The following ST8SIA6 variants were observed in gnomAD, a reference collection of about 807,000 sequenced individuals.
The protein encoded by ST8SIA6 is ST8 alpha-N-acetyl-neuraminide alpha-2,8-sialyltransferase 6, also known as alpha-2,8-sialyltransferase 8F.
ST8SIA6 carries 39 observed loss-of-function variants against 33.6 expected under a neutral mutation model. The ratio of observed to expected loss-of-function variants is 1.16; its 90% CI spans 0.90 to 1.52. The LOEUF is 1.52. Among genes scored for constraint, ST8SIA6 ranks in the 40% most tolerant of loss-of-function variants. The pLI is 0.00. For synonymous variants in ST8SIA6, 172 were observed against 167.2 expected (o/e 1.03, Z -0.22); for missense variants, 441 against 443.8 (o/e 0.99, Z 0.06).
intron 4 of ST8SIA6, among the ~76,000 whole-genome samples, chr10:17,341,990 T>C (rs1024514652): frequency 1.3e-5 from 2 of 150,914 alleles, no homozygotes; most frequent in Admixed American, 1.3e-4. Context: ...CACCAGAACT[T>C]ACCAGAACCA....
chr10:17,451,948 G>T (rs1315135822), intron 2 of ST8SIA6, among the ~76,000 whole-genome samples: 1 of 152,166 alleles, frequency 6.6e-6, no homozygotes, highest in Non-Finnish European at 1.5e-5. Flanking sequence ...AAGTAGAAAA[G>T]AAGTATGTCA....
At chr10:17,449,616 T>C (rs1336864418) in intron 2 of ST8SIA6, among the ~76,000 whole-genome samples, 5 of 152,234 alleles carry the variant, frequency 3.3e-5, no homozygotes, top group African/African-American at 7.2e-5. Context: ...TCTCCCACTT[T>C]AGCACATTAA....
chr10:17,405,900 A>G (rs972126958), intron 2 of ST8SIA6, among the ~76,000 whole-genome samples: 20 of 151,914 alleles, frequency 1.3e-4, no homozygotes, highest in Middle Eastern at 3.4e-3. Context: ...AAAAAAAAAA[A>G]AAGAAGAAAG....
chr10:17,427,507 C>T (rs747369940), intron 2 of ST8SIA6, among the ~76,000 whole-genome samples: 8 of 152,190 alleles, frequency 5.3e-5, no homozygotes, highest in Non-Finnish European at 8.8e-5. Flanking sequence ...CTTCAAAGTG[C>T]GCTGCACCAT....
intron 2 of ST8SIA6, among the ~76,000 whole-genome samples, chr10:17,399,615 G>A (rs1259706454): frequency 6.6e-6 from 1 of 152,082 alleles, no homozygotes; most frequent in East Asian, 1.9e-4. Context: ...TTGCAAGATA[G>A]TTTTCAACAA....
intron 2 of ST8SIA6, among the ~76,000 whole-genome samples, chr10:17,399,984 T>G (rs1850977689): frequency 6.6e-6 from 1 of 151,928 alleles, no homozygotes; most frequent in South Asian, 2.1e-4. Flanking sequence ...TGTGAAAGCT[T>G]TTATTTTACT....
chr10:17,401,813 A>G (rs1851052540), intron 2 of ST8SIA6, among the ~76,000 whole-genome samples: 1 of 152,218 alleles, frequency 6.6e-6, no homozygotes, highest in South Asian at 2.1e-4. Context: ...TGTTAGACCT[A>G]AAACCATAAA....
intron 4 of ST8SIA6, among the ~76,000 whole-genome samples, chr10:17,347,853 G>A (rs1271876149): frequency 6.8e-6 from 1 of 147,742 alleles, no homozygotes; most frequent in Non-Finnish European, 1.5e-5. Flanking sequence ...GAGAATCGGA[G>A]GCTGAGGCAG....
At chr10:17,364,077 C>CTGAGTATA (rs2308294) in intron 3 of ST8SIA6, among the ~76,000 whole-genome samples, 109,151 of 151,788 alleles carry the variant, frequency 0.72, 41,085 homozygotes, top group East Asian at 0.99. Context: ...GCAAATGCTC[C>CTGAGTATA]TGATACTTTT....
chr10:17,446,978 G>A (rs112006570), intron 2 of ST8SIA6, among the ~76,000 whole-genome samples: 1 of 149,260 alleles, frequency 6.7e-6, no homozygotes, highest in African/African-American at 2.5e-5. Flanking sequence ...AACCCTGGGG[G>A]CAGAGGTTGC....
At position 17,327,144 on chromosome 10, in the gene ST8SIA6, A is replaced by C; in HGVS notation, c.523-18T>G. 6.4e-7 allele frequency: 1 copy of C among 1,568,062 alleles called. No homozygotes were observed. ...GGCTGGGACTAGCAGGAGAAAGTGG[A>C]AAACTACCATGAAATACCGTTAATT... is the stretch of plus-strand genomic sequence containing the variant. On this transcript the variant is annotated intron_variant, in intron 5 of 7. Transcript: ENST00000377602.
At chr10:17,444,315 G>A (rs1012636917) in intron 2 of ST8SIA6, among the ~76,000 whole-genome samples, 7 of 152,156 alleles carry the variant, frequency 4.6e-5, no homozygotes, top group Admixed American at 2.0e-4. Flanking sequence ...ATTGTCTGTC[G>A]AACGTTGCCT....
intron 2 of ST8SIA6, among the ~76,000 whole-genome samples, chr10:17,405,884 C>CAAAA (rs10546412): frequency 2.3e-5 from 2 of 85,360 alleles, no homozygotes; most frequent in Non-Finnish European, 5.3e-5. Context: ...GACTCCATTT[C>CAAAA]AAAAAAAAAA....
chr10:17,360,087 GAA>G (rs1273328543), intron 3 of ST8SIA6, among the ~76,000 whole-genome samples: 1 of 152,116 alleles, frequency 6.6e-6, no homozygotes. Flanking sequence ...TGTTGAGAGA[GAA>G]GTTTATTGAC....
At chr10:17,349,231 AT>A (rs1449407167) in intron 4 of ST8SIA6, among the ~76,000 whole-genome samples, 1 of 152,226 alleles carries the variant, frequency 6.6e-6, no homozygotes, top group Non-Finnish European at 1.5e-5. Context: ...ACGTGGTATA[AT>A]CCATATGAAA....
At chr10:17,357,503 G>T (rs1479333702) in intron 4 of ST8SIA6, among the ~76,000 whole-genome samples, 1 of 152,078 alleles carries the variant, frequency 6.6e-6, no homozygotes, top group Non-Finnish European at 1.5e-5. Flanking sequence ...TTGAAAACTG[G>T]TTTTTCCAGG....
chr10:17,423,797 C>T (rs1174727594), intron 2 of ST8SIA6, among the ~76,000 whole-genome samples: 2 of 152,234 alleles, frequency 1.3e-5, no homozygotes, highest in Non-Finnish European at 2.9e-5. Flanking sequence ...AATAATCTCA[C>T]AGGAATCTTA....
At chr10:17,341,854 CCG>C (rs1848683413) in intron 4 of ST8SIA6, among the ~76,000 whole-genome samples, 1 of 141,290 alleles carries the variant, frequency 7.1e-6, no homozygotes, top group African/African-American at 2.7e-5. Flanking sequence ...TAACTGGAGA[CCG>C]CACTACTGCA....
intron 3 of ST8SIA6, among the ~76,000 whole-genome samples, chr10:17,364,005 A>T (rs1401309862): frequency 6.6e-6 from 1 of 152,240 alleles, no homozygotes; most frequent in African/African-American, 2.4e-5. Context: ...ATCATATAAC[A>T]TCCAAACAGC....
Sources: gnomAD v4.1 joint callset for allele counts (sites outside exome capture counted in the v4.1 genomes callset) on GRCh38, gnomAD v4.1.1 for gene constraint, MANE v1.5 for transcripts, NCBI Gene and HGNC (gene_info 2026-07-23, HGNC 2026-07-21) for gene names.